Variants in LGALS4 observed in about 807,000 individuals in gnomAD.
LGALS4 encodes galectin-4.
A neutral mutation model predicts 39.6 loss-of-function variants in LGALS4; 37 were observed. The ratio of observed to expected loss-of-function variants is 0.93; its 90% CI spans 0.72 to 1.23. The LOEUF (loss-of-function observed/expected upper bound fraction) is 1.23, where lower values mean the gene tolerates loss of function less well. LGALS4 is among the 50% of genes most tolerant of loss of function. The pLI, the probability that LGALS4 is intolerant of heterozygous loss-of-function variation, is 0.00. For missense variants in LGALS4, 397 were observed against 433.2 expected (o/e 0.92, Z 0.74); for synonymous variants, 160 against 165.5 (o/e 0.97, Z 0.25).
At chr19:38,805,166 A>AAATAAT (rs3993040) in intron 4 of LGALS4, among the ~76,000 whole-genome samples, 4,410 of 121,004 alleles carry the variant, frequency 0.036, 87 homozygotes, top group South Asian at 0.05. Context: ...CCTGCCTCAA[A>AAATAAT]AATAATAATA....
At chr19:38,805,621 C>T (rs1188514558) in intron 4 of LGALS4, among the ~76,000 whole-genome samples, 1 of 152,164 alleles carries the variant, frequency 6.6e-6, no homozygotes, top group Non-Finnish European at 1.5e-5. Flanking sequence ...CCTGATCCCT[C>T]TGTCTGGGCC....
At position 38,806,484 on chromosome 19, in the gene LGALS4, C is replaced by T. The variant is rs760505571; in HGVS notation, c.451G>A (p.Gly151Arg). The change falls in exon 4 of 10, where the codon GGA becomes AGA. Residue 151 changes from glycine to arginine, a missense_variant. Gly to Arg is a moderately radical substitution (Grantham distance 125). Coordinates refer to ENST00000307751, the MANE Select transcript of LGALS4 (RefSeq NM_006149.4). ...ACCTGGGGCCGGAGGGGCTGGCCTCCGATGAAGTTGATTGATTGAAGTTGC... is the reference window on the plus strand; with the variant it reads ...ACCTGGGGCCGGAGGGGCTGGCCTCTGATGAAGTTGATTGATTGAAGTTGC... ...DLQLQSINFI[G>R]GQPLRPQGPP... The T allele has an allele frequency of 1.4e-5, 22 of 1,614,028 alleles. No individual in the cohort carries two copies. The Middle Eastern group carries it at 6.6e-4, about 48-fold the overall frequency.
chr19:38,809,050 G>A, intron 2 of LGALS4, 102 bp from the exon 3 acceptor site: 1 of 961,928 alleles, frequency 1.0e-6, no homozygotes, highest in South Asian at 1.6e-5. Flanking sequence ...CGGCCTCCCT[G>A]GCCCGGACCT....
intron 2 of LGALS4, among the ~76,000 whole-genome samples, chr19:38,809,644 C>CTTTTTTTTTTTTTTTT (rs66473176): frequency 8.0e-5 from 6 of 74,544 alleles, no homozygotes; most frequent in Admixed American, 1.8e-4. Context: ...CTATGCCTGG[C>CTTTTTTTTTTTTTTTT]TTTTTTTTTT....
In LGALS4 at chr19:38,808,889, T is replaced by C. The variant is rs1219652018; in HGVS notation, c.194A>G (p.Asn65Ser). Reference protein sequence around the residue: ...DPGSDVAFHFNPRFDGWDKVV... With the variant: ...DPGSDVAFHFSPRFDGWDKVV... ...CTTGTCCCAGCCGTCAAACCGCGGA[T>C]TGAAGTGGAAGGCGACGTCTGAGCC... The change falls in exon 3 of 10, where the codon AAT (asparagine) becomes AGT (serine). Residue 65 changes from asparagine (N) to serine (S), a missense_variant. Transcript: ENST00000307751. 1 of 1,614,138 alleles carries C rather than the reference T, an allele frequency of 6.2e-7. No homozygotes were observed. Among genetic ancestry groups the C allele is most frequent in the Non-Finnish European group, 8.5e-7 (1 of 1,180,026 alleles).
chr19:38,803,969 G>C, intron 4 of LGALS4, 74 bp from the exon 5 acceptor site: 3 of 1,496,004 alleles, frequency 2.0e-6, no homozygotes, highest in South Asian at 1.2e-5. Flanking sequence ...GAGAGTGCCT[G>C]CCCTGGGGTG....
intron 2 of LGALS4, among the ~76,000 whole-genome samples, chr19:38,811,587 G>T (rs10084119): frequency 0.024 from 3,636 of 152,122 alleles, 136 homozygotes; most frequent in African/African-American, 0.081. Context: ...TAGCCCAGGA[G>T]TTGGAGGCCG....
At position 38,812,416 on chromosome 19, in the gene LGALS4, TG is replaced by T; in HGVS notation, c.134+14del. 6.2e-7 allele frequency: 1 copy of T among 1,611,994 alleles called. No individual in the cohort carries two copies. The highest frequency in any genetic ancestry group is 8.5e-7 in the Non-Finnish European group (1 of 1,178,292). Reference sequence around the variant, plus strand: ...AGTCCCCTGCCAGCCCGGCCTGGCTTGGGGAGGGTCTTACCGCTTCATGTGC... The same window carrying T: ...AGTCCCCTGCCAGCCCGGCCTGGCTTGGGAGGGTCTTACCGCTTCATGTGC... On this transcript the variant is annotated intron_variant, in intron 2 of 9. Transcript: ENST00000307751.
Position 38,812,029 on chromosome 19 carries a change from A to C in LGALS4, c.134+402T>G, listed in dbSNP as rs1019856494. On this transcript the variant is annotated intron_variant, in intron 2 of 9. Coordinates refer to ENST00000307751, the MANE Select transcript of LGALS4 (RefSeq NM_006149.4). ...ACTCCATCTCAAAACAAAAAAAAAAACAAAAAAAACAAAAACAGAAAAGAA... is the reference window on the plus strand; with the variant it reads ...ACTCCATCTCAAAACAAAAAAAAAACCAAAAAAAACAAAAACAGAAAAGAA... 1.8e-4 allele frequency among the ~76,000 whole-genome samples: 27 copies of C among 149,542 alleles called. No homozygotes were observed. The South Asian group carries it at 2.3e-3, about 13-fold the overall frequency.
chr19:38,803,145 G>T (rs913753096), intron 7 of LGALS4: 4 of 219,254 alleles, frequency 1.8e-5, no homozygotes, highest in Non-Finnish European at 3.7e-5. Context: ...TTCCTGAGTA[G>T]CTGGGATTAC....
intron 3 of LGALS4, among the ~76,000 whole-genome samples, chr19:38,808,062 A>G (rs538128073): frequency 9.9e-5 from 15 of 152,096 alleles, no homozygotes; most frequent in Admixed American, 2.6e-4. Flanking sequence ...CTCCACTATT[A>G]TCCTATGACC....
Position 38,812,829 on chromosome 19 carries a change from G to T in LGALS4, c.45+13C>A. 6.2e-7 allele frequency: 1 copy of T among 1,610,888 alleles called. No individual in the cohort carries two copies. Reference sequence around the variant, plus strand: ...GAGCTGCGGGCGGAGTGGGGCCTGAGCTGGCATCTCACCGGGTTGTAGGTG... The same window carrying T: ...GAGCTGCGGGCGGAGTGGGGCCTGATCTGGCATCTCACCGGGTTGTAGGTG... On this transcript the variant is annotated intron_variant, in intron 1 of 9. Transcript: ENST00000307751.
chr19:38,803,287 G>GA (rs1426140677), intron 7 of LGALS4: 11 of 592,500 alleles, frequency 1.9e-5, no homozygotes, highest in Non-Finnish European at 3.3e-5. Context: ...AAAGTGCTGG[G>GA]ATTACAGGCG....
chr19:38,811,677 C>T (rs1195958936), intron 2 of LGALS4, among the ~76,000 whole-genome samples: 2 of 151,344 alleles, frequency 1.3e-5, no homozygotes, highest in Non-Finnish European at 2.9e-5. Context: ...AAAAAAAGTC[C>T]TATGAGGCCA....
chr19:38,812,507 A>G lies in LGALS4; in HGVS notation c.58T>C (p.Tyr20His), dbSNP rs1488778614. Residue 20 changes from tyrosine to histidine, a missense_variant, in exon 2 of 10, where the codon TAC (tyrosine) becomes CAC (histidine). By Grantham distance (83) the Tyr-to-His change is moderately conservative (BLOSUM62 2). Transcript: ENST00000307751. ...QPTYNPTLPY[Y>H]QPIPGGLNVG... ...TTGAGCCCGCCCGGGATGGGCTGGTAGTAAGGCAGCGTCTGGAGAAGAGGC... is the reference window on the plus strand; with the variant it reads ...TTGAGCCCGCCCGGGATGGGCTGGTGGTAAGGCAGCGTCTGGAGAAGAGGC... 1 of 1,614,062 alleles carries G rather than the reference A, an allele frequency of 6.2e-7. No individual in the cohort carries two copies. Among genetic ancestry groups the G allele is most frequent in the Non-Finnish European group, 8.5e-7 (1 of 1,179,998 alleles).
intron 4 of LGALS4, 22 bp downstream of exon 4, chr19:38,806,439 G>T (rs1289673192): frequency 6.2e-7 from 1 of 1,607,002 alleles, no homozygotes; most frequent in African/African-American, 1.3e-5. Flanking sequence ...AAGGACGCAA[G>T]AAGGGATGGG....
Position 38,810,476 on chromosome 19 carries a change from C to A in LGALS4, c.135-1528G>T, listed in dbSNP as rs569739386. 2.6e-4 allele frequency among the ~76,000 whole-genome samples: 40 copies of A among 151,036 alleles called. No individual in the cohort carries two copies. The East Asian group carries it at 7.8e-3, about 29-fold the overall frequency. Reference sequence around the variant, plus strand: ...CTCCTGGTTTCACGCCATTCTCCTGCCTCAGCCTCCCGAGTAGCTGGGACT... The same window carrying A: ...CTCCTGGTTTCACGCCATTCTCCTGACTCAGCCTCCCGAGTAGCTGGGACT... On this transcript the variant is annotated intron_variant, in intron 2 of 9. Coordinates refer to ENST00000307751, the MANE Select transcript of LGALS4 (RefSeq NM_006149.4).
rs758616737 is a variant in LGALS4 at position 38,803,569 on chromosome 19, A to AG, written c.541-19dup. ...TCCATGGTCTGTGAAGTGAGGAAGA[A>AG]GCGATATTATTCTCCAAGAGTCGAC... On this transcript the variant is annotated intron_variant, in intron 6 of 9. Transcript: ENST00000307751. The AG allele has an allele frequency of 7.4e-6, 12 of 1,613,688 alleles. No individual in the cohort carries two copies. Among genetic ancestry groups the AG allele is most frequent in the South Asian group, 5.5e-5 (5 of 91,078 alleles).
intron 4 of LGALS4, among the ~76,000 whole-genome samples, chr19:38,806,106 G>C (rs540771789): frequency 6.6e-6 from 1 of 152,062 alleles, no homozygotes; most frequent in South Asian, 2.1e-4. Flanking sequence ...GGTGGCTCAC[G>C]CCTGTAATCC....
Sources: gnomAD v4.1 joint callset for allele counts (sites outside exome capture counted in the v4.1 genomes callset) on GRCh38, gnomAD v4.1.1 for gene constraint, MANE v1.5 for transcripts, NCBI Gene and HGNC (gene_info 2026-07-23, HGNC 2026-07-21) for gene names.